VPS13B: variants seen among roughly 807,000 people sequenced by gnomAD.
VPS13B encodes intermembrane lipid transfer protein VPS13B.
VPS13B carries 285 observed loss-of-function variants against 426.4 expected under a neutral mutation model. The ratio of observed to expected loss-of-function variants is 0.67; its 90% confidence interval spans 0.61 to 0.74. VPS13B has a LOEUF of 0.74. Among genes scored for constraint, VPS13B ranks in the 30% least tolerant of loss-of-function variants. VPS13B has a pLI of 0.00. For synonymous variants in VPS13B, 1,676 were observed against 1,676.4 expected (o/e 1.00, Z 0.01); for missense variants, 4,537 against 4,782.6 (o/e 0.95, Z 1.51).
At chr8:99,874,434 T>C (rs1362555385) in intron 61 of VPS13B, among the ~76,000 whole-genome samples, 2 of 152,224 alleles carry the variant, frequency 1.3e-5, no homozygotes, top group African/African-American at 4.8e-5. Context: ...CTCTCTGCCA[T>C]CGCACGGACT....
chr8:99,108,401 C>A (rs1366853366), intron 5 of VPS13B, among the ~76,000 whole-genome samples: 1 of 152,010 alleles, frequency 6.6e-6, no homozygotes, highest in Non-Finnish European at 1.5e-5. Context: ...TTGCCTAGAC[C>A]AATGTCAGGT....
At chr8:99,735,443 CAG>C (rs2130433867) in intron 39 of VPS13B, among the ~76,000 whole-genome samples, 1 of 152,156 alleles carries the variant, frequency 6.6e-6, no homozygotes, top group East Asian at 1.9e-4. Flanking sequence ...CACAGACACA[CAG>C]AGGGGAAGAC....
intron 39 of VPS13B, among the ~76,000 whole-genome samples, chr8:99,729,251 T>C (rs1311937274): frequency 1.3e-5 from 2 of 152,192 alleles, no homozygotes; most frequent in African/African-American, 2.4e-5. Flanking sequence ...CCTGGCTATA[T>C]TGGGCAAACT....
rs183830796 is a variant in VPS13B at position 99,728,908 on chromosome 8, G to A, written c.7050+7861G>A. 2.9e-4 allele frequency among the ~76,000 whole-genome samples: 44 copies of A among 152,248 alleles called. 3 individuals carry two copies. Among genetic ancestry groups the A allele is most frequent in the African/African-American group, 9.4e-4 (39 of 41,548 alleles). ...TAGGAACCCAGGGGAATATTCACTCGCTATTGCTTTTTCTCTTTTTCTTTC... is the reference window on the plus strand; with the variant it reads ...TAGGAACCCAGGGGAATATTCACTCACTATTGCTTTTTCTCTTTTTCTTTC... On this transcript the variant is annotated intron_variant, in intron 39 of 61. Transcript: ENST00000357162.
At chr8:99,431,866 A>T (rs1007207885) in intron 22 of VPS13B, among the ~76,000 whole-genome samples, 2 of 152,158 alleles carry the variant, frequency 1.3e-5, no homozygotes, top group African/African-American at 4.8e-5. Context: ...CCTTATAGTT[A>T]TAAAAATTTA....
chr8:99,191,544 C>G (rs1422893296), intron 16 of VPS13B, among the ~76,000 whole-genome samples: 1 of 151,784 alleles, frequency 6.6e-6, no homozygotes, highest in African/African-American at 2.4e-5. Flanking sequence ...CCACCACGCC[C>G]AGCTAATTTT....
intron 16 of VPS13B, among the ~76,000 whole-genome samples, chr8:99,182,841 A>G (rs770100833): frequency 2.0e-5 from 3 of 152,196 alleles, no homozygotes; most frequent in Non-Finnish European, 4.4e-5. Context: ...GGTTCAAGAG[A>G]TTCCCGGGCC....
intron 19 of VPS13B, among the ~76,000 whole-genome samples, chr8:99,362,355 G>A (rs2133240184): frequency 6.6e-6 from 1 of 152,020 alleles, no homozygotes; most frequent in East Asian, 1.9e-4. Flanking sequence ...TGTTAGCCAG[G>A]ATGGTCTTGA....
At chr8:99,171,913 T>A (rs528755199) in intron 16 of VPS13B, among the ~76,000 whole-genome samples, 2 of 152,146 alleles carry the variant, frequency 1.3e-5, no homozygotes, top group East Asian at 3.9e-4. Flanking sequence ...TCCTATAAGT[T>A]TAAAGAAAGC....
At chr8:99,738,941 A>C (rs1036884219) in intron 39 of VPS13B, among the ~76,000 whole-genome samples, 1 of 152,206 alleles carries the variant, frequency 6.6e-6, no homozygotes, top group African/African-American at 2.4e-5. Context: ...CTGAGGTACC[A>C]GGTTCATCTC....
At chr8:99,216,079 G>C (rs967563386) in intron 17 of VPS13B, among the ~76,000 whole-genome samples, 7 of 152,128 alleles carry the variant, frequency 4.6e-5, no homozygotes, top group Admixed American at 2.6e-4. Flanking sequence ...TAAGAAAGGG[G>C]TATGAGTAGT....
intron 3 of VPS13B, among the ~76,000 whole-genome samples, chr8:99,043,923 C>G (rs1379776205): frequency 6.6e-6 from 1 of 152,078 alleles, no homozygotes; most frequent in Non-Finnish European, 1.5e-5. Context: ...AGTATTCCTT[C>G]ACTTCAATCT....
intron 3 of VPS13B, among the ~76,000 whole-genome samples, chr8:99,059,546 A>G (rs1335373319): frequency 6.6e-6 from 1 of 152,148 alleles, no homozygotes; most frequent in East Asian, 1.9e-4. Context: ...TGTGAAGCCC[A>G]TGGATGCAGA....
chr8:99,028,531 C>G (rs1187588144), intron 2 of VPS13B, among the ~76,000 whole-genome samples: 1 of 65,354 alleles, frequency 1.5e-5, no homozygotes, highest in East Asian at 3.9e-4. Flanking sequence ...GACCCCCCCC[C>G]CCACCTCCCT....
At chr8:99,546,519 C>A (rs1823986498) in intron 30 of VPS13B, among the ~76,000 whole-genome samples, 1 of 151,990 alleles carries the variant, frequency 6.6e-6, no homozygotes, top group Admixed American at 6.6e-5. Context: ...TCTCATCCTC[C>A]TTACCTAAAT....
At chr8:99,744,557 C>T (rs1809964965) in intron 39 of VPS13B, among the ~76,000 whole-genome samples, 1 of 152,132 alleles carries the variant, frequency 6.6e-6, no homozygotes, top group Non-Finnish European at 1.5e-5. Context: ...ATAGCAAAGA[C>T]TTGGAACCAA....
At chr8:99,733,504 C>T (rs1244610005) in intron 39 of VPS13B, among the ~76,000 whole-genome samples, 2 of 152,206 alleles carry the variant, frequency 1.3e-5, no homozygotes, top group African/African-American at 4.8e-5. Context: ...AGAACAGTGT[C>T]TAGCACATAG....
At chr8:99,479,254 C>T (rs1280528176) in intron 24 of VPS13B, among the ~76,000 whole-genome samples, 2 of 152,056 alleles carry the variant, frequency 1.3e-5, no homozygotes, top group African/African-American at 4.8e-5. Flanking sequence ...TTCTCAGCCT[C>T]TCCAGTGAAA....
chr8:99,621,190 A>G (rs1828334321), intron 33 of VPS13B, among the ~76,000 whole-genome samples: 1 of 152,124 alleles, frequency 6.6e-6, no homozygotes, highest in Admixed American at 6.5e-5. Context: ...CTAAGATTTA[A>G]CAGGAAACTT....
Sources: allele counts gnomAD v4.1 joint callset (sites outside exome capture counted in the v4.1 genomes callset), GRCh38; gene constraint gnomAD v4.1.1; transcripts MANE v1.5; gene names NCBI Gene and HGNC (gene_info 2026-07-23, HGNC 2026-07-21).